Variants in POLR3H observed in about 807,000 individuals in gnomAD.
POLR3H encodes RNA polymerase III subunit H.
POLR3H carries 17 observed loss-of-function variants against 25.5 expected under a neutral mutation model. The observed-to-expected ratio is 0.67, with a 90% CI of 0.46 to 1.00. The LOEUF (loss-of-function observed/expected upper bound fraction) is 1.00, where lower values mean the gene tolerates loss of function less well. Among genes scored for constraint, POLR3H ranks in the 50% least tolerant of loss-of-function variants. The pLI, the probability that POLR3H is intolerant of heterozygous loss-of-function variation, is 0.00. For synonymous variants in POLR3H, 129 were observed against 103.0 expected, an observed-to-expected ratio of 1.25 and a Z score of -1.53; for missense variants, 274 against 265.0, an observed-to-expected ratio of 1.03 and a Z score of -0.24.
intron 2 of POLR3H, among the ~76,000 whole-genome samples, chr22:41,536,726 C>A (rs1230839753): frequency 6.6e-6 from 1 of 151,486 alleles, no homozygotes; most frequent in South Asian, 2.1e-4. Context: ...ATTAGCCAGG[C>A]GTGGTGGTGG....
Position 41,527,607 on chromosome 22 carries a change from C to G in POLR3H, c.*1676G>C. 1.1e-6 allele frequency: 1 copy of G among 893,444 alleles called. No homozygotes were observed. The highest frequency in any genetic ancestry group is 1.7e-6 in the Non-Finnish European group (1 of 603,714). The allele number at this position is 893,444 out of a possible 1,614,324, so 55.3% of individuals were successfully genotyped here. On this transcript the variant is annotated 3_prime_UTR_variant, in exon 6 of 6. Transcript: ENST00000355209. Reference sequence around the variant, plus strand: ...CGACGCTCAGCTTCCCGGCTTCCCGCAGGCCCTGCTTCCAGGCTTGTAGAT... The same window carrying G: ...CGACGCTCAGCTTCCCGGCTTCCCGGAGGCCCTGCTTCCAGGCTTGTAGAT...
Position 41,527,090 on chromosome 22 carries a change from C to T in POLR3H, c.*2193G>A. 1 of 731,184 alleles carries T rather than the reference C, an allele frequency of 1.4e-6. No individual in the cohort carries two copies. Among genetic ancestry groups the T allele is most frequent in the Non-Finnish European group, 2.2e-6 (1 of 455,422 alleles). 45.3% of individuals were successfully genotyped at this position (731,184 alleles called of 1,614,324 possible). On this transcript the variant is annotated 3_prime_UTR_variant, in exon 6 of 6. Coordinates refer to ENST00000355209, the MANE Select transcript of POLR3H (RefSeq NM_001018050.4). ...GCAAACAACCACGTGCCTCTGTCCC[C>T]TCGGGGCCTCGTTTGGGTCTCATTC...
At chr22:41,542,316 T>C (rs868355381) in intron 1 of POLR3H, among the ~76,000 whole-genome samples, 2 of 152,066 alleles carry the variant, frequency 1.3e-5, no homozygotes, top group Non-Finnish European at 2.9e-5. Context: ...ACTCCTGACC[T>C]TGGGTGATCC....
chr22:41,532,124 G>T lies in POLR3H; in HGVS notation c.329C>A (p.Pro110His). The T allele has an allele frequency of 6.2e-7, 1 of 1,614,126 alleles. No individual in the cohort carries two copies. The highest frequency in any genetic ancestry group is 8.5e-7 in the Non-Finnish European group (1 of 1,179,998). Residue 110 changes from proline to histidine, a missense_variant, in exon 4 of 6, where the codon CCC becomes CAC. Physicochemically the swap from Pro to His is moderately conservative, Grantham distance 77. Transcript: ENST00000355209. ...SLGFFDDILI[P>H]PESLQQPAKF... Reference sequence around the variant, plus strand: ...GGCTGGCTGCTGCAGTGACTCTGGGGGGATGAGAATGTCATCGAAGAAGCC... The same window carrying T: ...GGCTGGCTGCTGCAGTGACTCTGGGTGGATGAGAATGTCATCGAAGAAGCC...
chr22:41,526,248 A>C lies in POLR3H; in HGVS notation c.*3035T>G. The C allele has an allele frequency of 6.2e-7, 1 of 1,609,158 alleles. No individual in the cohort carries two copies. The highest frequency in any genetic ancestry group is 8.5e-7 in the Non-Finnish European group (1 of 1,177,918). On this transcript the variant is annotated 3_prime_UTR_variant, in exon 6 of 6. Coordinates refer to ENST00000355209, the MANE Select transcript of POLR3H (RefSeq NM_001018050.4). ...CCATGCCCTGACCTCTGTCCTCTCTACTTACCACCCAAGGTCAAAGGGAAG... is the reference window on the plus strand; with the variant it reads ...CCATGCCCTGACCTCTGTCCTCTCTCCTTACCACCCAAGGTCAAAGGGAAG...
intron 4 of POLR3H, 54 bp from the exon 5 acceptor site, chr22:41,530,942 A>G (rs1016926524): frequency 2.6e-6 from 4 of 1,557,518 alleles, no homozygotes; most frequent in Non-Finnish European, 3.5e-6. Context: ...GGCTTCCCTC[A>G]GCACCCACTC....
intron 2 of POLR3H, chr22:41,539,192 G>A (rs1295451835): frequency 3.3e-5 from 5 of 152,242 alleles, no homozygotes; most frequent in African/African-American, 1.2e-4. Flanking sequence ...CTGGGAGGTG[G>A]AGGTTGCAGT....
rs1390131211 is a variant in POLR3H, at chr22:41,526,065, G to A, written c.*3218C>T. On this transcript the variant is annotated 3_prime_UTR_variant, in exon 6 of 6. Coordinates refer to ENST00000355209, the MANE Select transcript of POLR3H (RefSeq NM_001018050.4). ...AGCAGCCAGAGGCCTTTGAGGGGATGAAGGCCTGGCCTGAGCCCATGTGGC... is the reference window on the plus strand; with the variant it reads ...AGCAGCCAGAGGCCTTTGAGGGGATAAAGGCCTGGCCTGAGCCCATGTGGC... The A allele has an allele frequency of 1.8e-6, 1 of 541,044 alleles. No homozygotes were observed. The highest frequency in any genetic ancestry group is 3.3e-6 in the Non-Finnish European group (1 of 305,884). 33.5% of individuals were successfully genotyped at this position (541,044 alleles called of 1,614,324 possible).
intron 2 of POLR3H, among the ~76,000 whole-genome samples, chr22:41,535,942 C>T (rs1049692000): frequency 1.3e-5 from 2 of 151,952 alleles, no homozygotes; most frequent in African/African-American, 2.4e-5. Context: ...TGCACTGCAG[C>T]GTGGGCGACA....
intron 2 of POLR3H, chr22:41,540,380 G>A (rs1487999720): frequency 5.3e-5 from 21 of 394,886 alleles, no homozygotes; most frequent in South Asian, 2.1e-4. Flanking sequence ...GCCCAGAGAA[G>A]AGAAGTCTGC....
intron 5 of POLR3H, 49 bp from the exon 6 acceptor site, chr22:41,529,385 C>A: frequency 6.4e-7 from 1 of 1,566,856 alleles, no homozygotes; most frequent in Non-Finnish European, 8.8e-7. Flanking sequence ...CTGGCTTGAA[C>A]CAACCTGGAC....
Position 41,533,638 on chromosome 22 carries a change from A to ACC in POLR3H, c.209-895_209-894dup, listed in dbSNP as rs769132805. 2.3e-6 allele frequency: 3 copies of ACC among 1,303,798 alleles called. No individual in the cohort carries two copies. In the South Asian group the frequency reaches 3.7e-5, roughly 16 times the overall value. 80.8% of individuals were successfully genotyped at this position (1,303,798 alleles called of 1,614,324 possible). A position where few individuals can be genotyped will look rare whatever the true frequency, so the allele number is the denominator to read the frequency against. ...CAACATGCCCCCCAGGACGGCAGGG[A>ACC]CCCTGGCATCAGCAGGGCATGAGGA... On this transcript the variant is annotated intron_variant, in intron 2 of 5. Coordinates refer to ENST00000355209, the MANE Select transcript of POLR3H (RefSeq NM_001018050.4).
rs1569031368 is a variant in POLR3H, at chr22:41,532,120, T to TG, written c.332dup (p.Glu112ArgfsTer48). ...ACTTGGCTGGCTGCTGCAGTGACTC[T>TG]GGGGGGATGAGAATGTCATCGAAGA... On this transcript the variant is annotated frameshift_variant, in exon 4 of 6. Transcript: ENST00000355209. LOFTEE classifies it high-confidence loss of function. 1.9e-6 allele frequency: 3 copies of TG among 1,614,028 alleles called. No homozygotes were observed. Among genetic ancestry groups the TG allele is most frequent in the Middle Eastern group, 1.6e-4 (1 of 6,062 alleles).
intron 2 of POLR3H, among the ~76,000 whole-genome samples, chr22:41,536,920 C>T (rs905843132): frequency 2.0e-5 from 3 of 150,002 alleles, no homozygotes; most frequent in Non-Finnish European, 3.0e-5. Flanking sequence ...GGTGTCTCTG[C>T]ACCAACTCTA....
At chr22:41,536,078 C>T (rs2066838429) in intron 2 of POLR3H, among the ~76,000 whole-genome samples, 1 of 149,370 alleles carries the variant, frequency 6.7e-6, no homozygotes, top group Non-Finnish European at 1.5e-5. Flanking sequence ...GCATGAGCCA[C>T]CATATCTGCC....
rs531455869 is a variant in POLR3H, at chr22:41,532,737, G to C, written c.217C>G (p.Arg73Gly). The C allele has an allele frequency of 6.2e-7, 1 of 1,613,802 alleles. No homozygotes were observed. The highest frequency in any genetic ancestry group is 2.2e-5 in the East Asian group (1 of 44,878). Reference sequence around the variant, plus strand: ...AGGAATGGATGAAACACCACGCAGCGAAAATGGACTGGAAATGAAGACAGC... The same window carrying C: ...AGGAATGGATGAAACACCACGCAGCCAAAATGGACTGGAAATGAAGACAGC... Reference protein sequence around the residue: ...DGASHTKVHFRCVVFHPFLDE... With the variant: ...DGASHTKVHFGCVVFHPFLDE... The change falls in exon 3 of 6, where the codon CGC becomes GGC. Residue 73 changes from arginine (R) to glycine (G), a missense_variant. Coordinates refer to ENST00000355209, the MANE Select transcript of POLR3H (RefSeq NM_001018050.4).
intron 2 of POLR3H, among the ~76,000 whole-genome samples, chr22:41,538,385 C>T (rs2066881651): frequency 6.6e-6 from 1 of 152,082 alleles, no homozygotes; most frequent in African/African-American, 2.4e-5. Flanking sequence ...CTCGGCCTCC[C>T]AAAGTGCTGG....
intron 5 of POLR3H, chr22:41,529,697 G>A (rs754701840): frequency 6.9e-5 from 40 of 577,116 alleles, no homozygotes; most frequent in Admixed American, 1.2e-4. Flanking sequence ...ACTCTTCCCC[G>A]GAGCCCTCCC....
chr22:41,529,547 G>A, intron 5 of POLR3H: 2 of 672,432 alleles, frequency 3.0e-6, no homozygotes, highest in South Asian at 3.1e-5. Flanking sequence ...AGGGACTCCA[G>A]GCCCTGATAG....
Sources: allele counts gnomAD v4.1 joint callset (sites outside exome capture counted in the v4.1 genomes callset), GRCh38; gene constraint gnomAD v4.1.1; transcripts MANE v1.5; gene names NCBI Gene and HGNC (gene_info 2026-07-23, HGNC 2026-07-21).